Variants in ZNF560 observed in about 807,000 individuals in gnomAD.
The protein encoded by ZNF560 is zinc finger protein 560.
In ZNF560, 54 loss-of-function variants were observed where a neutral mutation model predicts 81.8. The observed-to-expected ratio is 0.66, with a 90% confidence interval of 0.53 to 0.83. The LOEUF is 0.83. Ranked by LOEUF, ZNF560 falls within the 40% of genes least tolerant of loss-of-function variation. The pLI is 0.00. For synonymous variants in ZNF560, 321 were observed against 317.9 expected (o/e 1.01, Z -0.10); for missense variants, 940 against 932.4 (o/e 1.01, Z -0.11).
chr19:9,455,920 A>T, the ZNF560 span, among the ~76,000 whole-genome samples: 3 of 152,222 alleles, frequency 2.0e-5, no homozygotes, highest in Admixed American at 2.0e-4. Context: ...ACGAGAGAGA[A>T]TGTAGAAAAA....
chr19:9,489,452 G>A (rs1599677433), intron 2 of ZNF560, among the ~76,000 whole-genome samples: 1 of 150,846 alleles, frequency 6.6e-6, no homozygotes, highest in Admixed American at 6.6e-5. Flanking sequence ...GTAGGCAGCT[G>A]AGCAGAGATG....
chr19:9,470,965 C>T (rs2073112031), intron 6 of ZNF560, among the ~76,000 whole-genome samples: 1 of 152,114 alleles, frequency 6.6e-6, no homozygotes, highest in Admixed American at 6.6e-5. Flanking sequence ...GAGATAATTT[C>T]CAGGGTAATT....
intron 2 of ZNF560, among the ~76,000 whole-genome samples, chr19:9,492,906 G>C (rs2144727636): frequency 6.6e-6 from 1 of 152,252 alleles, no homozygotes; most frequent in Admixed American, 6.5e-5. Flanking sequence ...GCTTCCCCAG[G>C]GGCAACTATT....
At chr19:9,447,823 T>G in the ZNF560 span, among the ~76,000 whole-genome samples, 1 of 152,152 alleles carries the variant, frequency 6.6e-6, no homozygotes, top group South Asian at 2.1e-4. Flanking sequence ...TTTCCCTAAT[T>G]GTGCTAGAGA....
chr19:9,470,577 A>T, intron 6 of ZNF560, 59 bp from the exon 7 acceptor site: 1 of 1,613,466 alleles, frequency 6.2e-7, no homozygotes, highest in Non-Finnish European at 8.5e-7. Context: ...ATGTTGGCTG[A>T]AGAATGAGGA....
chr19:9,479,122 G>T (rs562996225), intron 2 of ZNF560, among the ~76,000 whole-genome samples: 1 of 151,762 alleles, frequency 6.6e-6, no homozygotes, highest in East Asian at 1.9e-4. Context: ...AGCAGATGAA[G>T]ATTGCAGTGA....
At chr19:9,448,577 G>A in the ZNF560 span, among the ~76,000 whole-genome samples, 3 of 151,784 alleles carry the variant, frequency 2.0e-5, no homozygotes, top group African/African-American at 7.3e-5. Flanking sequence ...AATGATACCT[G>A]CTACCACAAA....
At chr19:9,478,868 C>T (rs2073242484) in intron 2 of ZNF560, among the ~76,000 whole-genome samples, 1 of 151,766 alleles carries the variant, frequency 6.6e-6, no homozygotes, top group Non-Finnish European at 1.5e-5. Context: ...AAAAAAAACC[C>T]CACAAAACTT....
chr19:9,493,177 A>G (rs1440041773), intron 2 of ZNF560, among the ~76,000 whole-genome samples: 1 of 152,194 alleles, frequency 6.6e-6, no homozygotes, highest in African/African-American at 2.4e-5. Context: ...AGGCAGGAAA[A>G]TGGAGGACCA....
the ZNF560 span, among the ~76,000 whole-genome samples, chr19:9,446,409 T>C: frequency 0.017 from 1,995 of 116,922 alleles, 65 homozygotes; most frequent in South Asian, 0.12. Flanking sequence ...CACACACACA[T>C]AAAATATAGG....
At chr19:9,484,707 G>A (rs10419286) in intron 2 of ZNF560, among the ~76,000 whole-genome samples, 101,163 of 150,838 alleles carry the variant, frequency 0.67, 34,848 homozygotes, top group African/African-American at 0.83. Context: ...TGCTTGAACC[G>A]CAGAGGCGGA....
the ZNF560 span, among the ~76,000 whole-genome samples, chr19:9,447,005 G>A: frequency 1.3e-4 from 20 of 151,830 alleles, no homozygotes; most frequent in Non-Finnish European, 2.1e-4. Flanking sequence ...ATGGTGGCGC[G>A]TGCCTATAGT....
intron 2 of ZNF560, among the ~76,000 whole-genome samples, chr19:9,477,119 T>C (rs1568457660): frequency 6.6e-6 from 1 of 152,170 alleles, no homozygotes; most frequent in Non-Finnish European, 1.5e-5. Context: ...ATATGTTCTG[T>C]ATAAAATGAG....
chr19:9,448,662 A>C, the ZNF560 span, among the ~76,000 whole-genome samples: 24 of 152,044 alleles, frequency 1.6e-4, no homozygotes, highest in Non-Finnish European at 2.8e-4. Context: ...ACAACCACCT[A>C]ACAGCTTCAT....
chr19:9,506,177 G>T, the ZNF560 span, among the ~76,000 whole-genome samples: 6 of 151,878 alleles, frequency 4.0e-5, no homozygotes, highest in Non-Finnish European at 5.9e-5. Context: ...ATTTTTAGTA[G>T]AGACAGGGTT....
chr19:9,449,951 A>G, the ZNF560 span, among the ~76,000 whole-genome samples: 74,515 of 132,418 alleles, frequency 0.56, 21,964 homozygotes, highest in African/African-American at 0.7. Context: ...TCCAGCTTGG[A>G]CAACAAGAGC....
At chr19:9,489,693 C>T (rs2073441421) in intron 2 of ZNF560, among the ~76,000 whole-genome samples, 1 of 152,100 alleles carries the variant, frequency 6.6e-6, no homozygotes, top group African/African-American at 2.4e-5. Context: ...AGGTTCACAC[C>T]ATTCTCCTGC....
intron 2 of ZNF560, among the ~76,000 whole-genome samples, chr19:9,493,550 CAG>C (rs1331047276): frequency 6.6e-6 from 1 of 151,954 alleles, no homozygotes; most frequent in East Asian, 2.0e-4. Flanking sequence ...TCAGTAGAGA[CAG>C]GGGTTCACCA....
intron 2 of ZNF560, among the ~76,000 whole-genome samples, chr19:9,497,657 G>C (rs1314147348): frequency 6.6e-6 from 1 of 152,112 alleles, no homozygotes; most frequent in South Asian, 2.1e-4. Flanking sequence ...CTAAAAAACA[G>C]GTGCAGCTAC....
Sources: gnomAD v4.1 joint callset for allele counts (sites outside exome capture counted in the v4.1 genomes callset) on GRCh38, gnomAD v4.1.1 for gene constraint, MANE v1.5 for transcripts, NCBI Gene and HGNC (gene_info 2026-07-23, HGNC 2026-07-21) for gene names.